VWA8: variants seen among roughly 807,000 people sequenced by gnomAD.
VWA8 encodes the protein von Willebrand factor A domain containing 8.
VWA8 carries 221 observed loss-of-function variants against 241.5 expected under a neutral mutation model. The ratio of observed to expected loss-of-function variants is 0.91; its 90% CI spans 0.82 to 1.02. The LOEUF (loss-of-function observed/expected upper bound fraction) is 1.02. VWA8 is among the 50% of genes least tolerant of loss of function. VWA8 has a pLI of 0.00. For synonymous variants in VWA8, 852 were observed against 827.1 expected, an observed-to-expected ratio of 1.03 and a Z score of -0.52; for missense variants, 2,322 against 2,328.7, an observed-to-expected ratio of 1.00 and a Z score of 0.06.
At chr13:41,738,133 T>C (rs923313145) in intron 21 of VWA8, among the ~76,000 whole-genome samples, 4 of 152,188 alleles carry the variant, frequency 2.6e-5, no homozygotes, top group Non-Finnish European at 5.9e-5. Flanking sequence ...TTGAATATTT[T>C]GAACGCTTTG....
intron 17 of VWA8, among the ~76,000 whole-genome samples, chr13:41,794,530 T>C (rs924251062): frequency 6.6e-6 from 1 of 152,218 alleles, no homozygotes; most frequent in South Asian, 2.1e-4. Flanking sequence ...AAGAAACTTT[T>C]GGGCTGAGAC....
At chr13:41,700,344 A>G (rs1200785245) in intron 28 of VWA8, among the ~76,000 whole-genome samples, 1 of 152,040 alleles carries the variant, frequency 6.6e-6, no homozygotes, top group Admixed American at 6.6e-5. Flanking sequence ...ATTTAAATAA[A>G]TAAGTGAACT....
intron 21 of VWA8, among the ~76,000 whole-genome samples, chr13:41,758,005 A>G (rs1052504086): frequency 3.3e-5 from 5 of 151,666 alleles, no homozygotes; most frequent in Non-Finnish European, 7.4e-5. Context: ...TTAAAAATGT[A>G]TTGTAAACAA....
At chr13:41,816,139 TTAGTAAGCAGTTAC>T in intron 16 of VWA8, among the ~76,000 whole-genome samples, 1 of 152,302 alleles carries the variant, frequency 6.6e-6, no homozygotes, top group South Asian at 2.1e-4. Flanking sequence ...AAATTAACAT[TTAGTAAGCAGTTAC>T]TAAGAAGGAG....
chr13:41,587,795 G>T (rs2044429072), intron 41 of VWA8, 125 bp from the exon 42 acceptor site: 1 of 1,156,588 alleles, frequency 8.6e-7, no homozygotes, highest in Non-Finnish European at 1.2e-6. Context: ...CATAGGCTCA[G>T]CCCTGCACAA....
At chr13:41,719,541 T>C in intron 26 of VWA8, 50 bp downstream of exon 26, 1 of 1,606,268 alleles carries the variant, frequency 6.2e-7, no homozygotes, top group Non-Finnish European at 8.5e-7. Flanking sequence ...GAATGATAAA[T>C]CAAGAACTAT....
chr13:41,716,944 G>C (rs760418597), intron 26 of VWA8, among the ~76,000 whole-genome samples: 15 of 151,616 alleles, frequency 9.9e-5, no homozygotes, highest in African/African-American at 3.4e-4. Flanking sequence ...ACTTTTTGGC[G>C]GTCTATGTGA....
rs1192489607 is a variant in VWA8, at chr13:41,614,962, C to G, written c.4720+14G>C. On this transcript the variant is annotated intron_variant, in intron 38 of 44. Coordinates refer to ENST00000379310, the MANE Select transcript of VWA8 (RefSeq NM_015058.2). ...TGGGGAAGGCTGACTCAGGAGAATG[C>G]CTGTGCTACCAACCTGTTCCGCCAG... 1 of 1,612,210 alleles carries G rather than the reference C, an allele frequency of 6.2e-7. No individual in the cohort carries two copies. Among genetic ancestry groups the G allele is most frequent in the Non-Finnish European group, 8.5e-7 (1 of 1,179,718 alleles).
chr13:41,694,162 C>A lies in VWA8; in HGVS notation c.3565-1190G>T, dbSNP rs1593701514. 2.0e-5 allele frequency among the ~76,000 whole-genome samples: 3 copies of A among 151,892 alleles called. No homozygotes were observed. In the East Asian group the frequency reaches 5.8e-4, roughly 29 times the overall value. ...ATTAATCATGACCCTTGCCTTCTGT[C>A]ATATAATTTAGTTAGAGAAATAAAA... On this transcript the variant is annotated intron_variant, in intron 29 of 44. Coordinates refer to ENST00000379310, the MANE Select transcript of VWA8 (RefSeq NM_015058.2).
intron 24 of VWA8, among the ~76,000 whole-genome samples, chr13:41,725,401 C>T (rs959934564): frequency 2.6e-5 from 4 of 151,976 alleles, no homozygotes; most frequent in Admixed American, 6.6e-5. Context: ...GAATATGAAA[C>T]GGAAATTACA....
intron 9 of VWA8, among the ~76,000 whole-genome samples, chr13:41,874,639 A>G (rs1418968386): frequency 6.6e-6 from 1 of 152,174 alleles, no homozygotes; most frequent in South Asian, 2.1e-4. Context: ...ATTAAATAAA[A>G]TGAAATATAA....
chr13:41,784,703 T>TATATATATAC (rs1869072242), intron 18 of VWA8, among the ~76,000 whole-genome samples: 3 of 47,744 alleles, frequency 6.3e-5, no homozygotes, highest in Non-Finnish European at 1.5e-4. Context: ...TATACATATA[T>TATATATATAC]ATATATATAT....
chr13:41,733,253 T>C (rs1416633509), intron 21 of VWA8, among the ~76,000 whole-genome samples: 1 of 152,180 alleles, frequency 6.6e-6, no homozygotes, highest in Non-Finnish European at 1.5e-5. Context: ...AAATACAAGA[T>C]AAACTTAACG....
chr13:41,954,416 T>C (rs1482321859), intron 1 of VWA8, among the ~76,000 whole-genome samples: 2 of 152,182 alleles, frequency 1.3e-5, no homozygotes, highest in African/African-American at 4.8e-5. Flanking sequence ...TGTATTCCTA[T>C]CTCAGTGACT....
At chr13:41,881,695 A>C in intron 9 of VWA8, among the ~76,000 whole-genome samples, 1 of 144,370 alleles carries the variant, frequency 6.9e-6, no homozygotes. Context: ...GGCGCCCCTC[A>C]CCTCCCGGAC....
chr13:41,941,697 A>C (rs1238704241), intron 2 of VWA8, among the ~76,000 whole-genome samples: 1 of 152,190 alleles, frequency 6.6e-6, no homozygotes, highest in East Asian at 1.9e-4. Context: ...GGAAAACGAA[A>C]AGGAACAAGA....
intron 14 of VWA8, among the ~76,000 whole-genome samples, chr13:41,826,787 T>C (rs983544581): frequency 2.0e-5 from 3 of 151,948 alleles, no homozygotes; most frequent in African/African-American, 7.3e-5. Flanking sequence ...GGCGGGAGGA[T>C]GGTTTGAGCT....
chr13:41,571,296 G>GTCTCCC (rs1185423479), intron 43 of VWA8, among the ~76,000 whole-genome samples: 2 of 137,702 alleles, frequency 1.5e-5, no homozygotes, highest in Admixed American at 7.1e-5. Flanking sequence ...TCCCTCTCCC[G>GTCTCCC]TCTCCCTCTC....
chr13:41,762,209 C>T (rs1195672170), intron 20 of VWA8, among the ~76,000 whole-genome samples: 1 of 152,062 alleles, frequency 6.6e-6, no homozygotes, highest in Non-Finnish European at 1.5e-5. Flanking sequence ...ATGTGAAATG[C>T]TTCTGGTCCC....
Sources: allele counts gnomAD v4.1 joint callset (sites outside exome capture counted in the v4.1 genomes callset), GRCh38; gene constraint gnomAD v4.1.1; transcripts MANE v1.5; gene names NCBI Gene and HGNC (gene_info 2026-07-23, HGNC 2026-07-21).